The following CDYL variants were observed in gnomAD, a reference collection of about 807,000 sequenced individuals.
The protein encoded by CDYL is chromodomain Y like, also known as chromodomain Y-like protein.
A neutral mutation model predicts 47.3 loss-of-function variants in CDYL; 8 were observed. The observed-to-expected ratio is 0.17, with a 90% CI of 0.10 to 0.31. The LOEUF is 0.31. Among genes scored for constraint, CDYL ranks in the 10% least tolerant of loss-of-function variants. The pLI is 1.00. For synonymous variants in CDYL, 266 were observed against 265.0 expected (o/e 1.00, Z -0.04); for missense variants, 471 against 701.4 (o/e 0.67, Z 3.71).
chr6:4,782,746 A>G (rs1434929001), intron 1 of CDYL, among the ~76,000 whole-genome samples: 3 of 152,226 alleles, frequency 2.0e-5, no homozygotes. Context: ...ACCCAAAGCA[A>G]GTATTAAAAA....
intron 3 of CDYL, among the ~76,000 whole-genome samples, chr6:4,763,439 A>G (rs1758206078): frequency 1.3e-5 from 2 of 152,202 alleles, no homozygotes; most frequent in South Asian, 4.1e-4. Context: ...ATAAGGATGG[A>G]ATATAGAATT....
chr6:4,770,968 T>A (rs557632267), intron 3 of CDYL, among the ~76,000 whole-genome samples: 5 of 152,364 alleles, frequency 3.3e-5, no homozygotes, highest in Non-Finnish European at 7.3e-5. Context: ...CGTGCATATA[T>A]AAGCATATAT....
chr6:4,833,197 C>T (rs1398782600), intron 1 of CDYL, among the ~76,000 whole-genome samples: 11 of 145,532 alleles, frequency 7.6e-5, no homozygotes, highest in Admixed American at 6.7e-5. Flanking sequence ...CCTGCTTTCT[C>T]TTGTGGGCAT....
chr6:4,769,882 C>T (rs889397939), intron 3 of CDYL, among the ~76,000 whole-genome samples: 12 of 152,162 alleles, frequency 7.9e-5, no homozygotes, highest in East Asian at 3.9e-4. Flanking sequence ...CTGCAAGCTC[C>T]GCCTCCAGGG....
At chr6:4,929,493 T>TACACACAA (rs1757972042) in intron 2 of CDYL, among the ~76,000 whole-genome samples, 1 of 143,934 alleles carries the variant, frequency 6.9e-6, no homozygotes, top group Non-Finnish European at 1.5e-5. Context: ...ATGTTTTACT[T>TACACACAA]ACACACACAC....
At chr6:4,745,748 G>T (rs1183410585) in intron 3 of CDYL, among the ~76,000 whole-genome samples, 2 of 152,214 alleles carry the variant, frequency 1.3e-5, no homozygotes, top group Non-Finnish European at 2.9e-5. Flanking sequence ...GCAACGAGAG[G>T]CAGCTGGTCT....
chr6:4,727,873 T>C (rs1415700097), intron 2 of CDYL, among the ~76,000 whole-genome samples: 1 of 152,046 alleles, frequency 6.6e-6, no homozygotes, highest in African/African-American at 2.4e-5. Flanking sequence ...TTTCTTTCTG[T>C]GGTTTAGGAC....
intron 5 of CDYL, among the ~76,000 whole-genome samples, chr6:4,947,602 G>A (rs577093042): frequency 1.2e-4 from 19 of 152,302 alleles, no homozygotes; most frequent in African/African-American, 4.3e-4. Flanking sequence ...CTGTTGGGGG[G>A]TGGTCCCTCA....
At chr6:4,736,869 G>A (rs1757713078) in intron 3 of CDYL, among the ~76,000 whole-genome samples, 1 of 152,134 alleles carries the variant, frequency 6.6e-6, no homozygotes, top group South Asian at 2.1e-4. Context: ...CATCTATCAT[G>A]TTTCAAGTGC....
At chr6:4,937,537 T>C in intron 3 of CDYL, 28 bp from the exon 4 acceptor site, 2 of 1,501,140 alleles carry the variant, frequency 1.3e-6, no homozygotes, top group Non-Finnish European at 1.8e-6. Context: ...AAATATTCTT[T>C]GCCACTTTAA....
At chr6:4,823,162 C>T (rs1759887224) in intron 1 of CDYL, among the ~76,000 whole-genome samples, 1 of 152,134 alleles carries the variant, frequency 6.6e-6, no homozygotes, top group Admixed American at 6.5e-5. Context: ...AGCATTTTAG[C>T]AAAAACACTT....
intron 1 of CDYL, among the ~76,000 whole-genome samples, chr6:4,863,327 TTGTACA>T (rs1227517682): frequency 1.3e-5 from 2 of 152,200 alleles, no homozygotes; most frequent in Non-Finnish European, 2.9e-5. Context: ...TGTAACAAAC[TTGTACA>T]TGTAGTCCCC....
chr6:4,819,160 C>CTGTGTGTGTGTGTGTGTG (rs1242099604), intron 1 of CDYL, among the ~76,000 whole-genome samples: 89 of 124,092 alleles, frequency 7.2e-4, no homozygotes, highest in African/African-American at 3.8e-3. Context: ...CTCTCTCTCT[C>CTGTGTGTGTGTGTGTGTG]TCTGTGTGTG....
At chr6:4,828,817 A>G (rs530874458) in intron 1 of CDYL, among the ~76,000 whole-genome samples, 72 of 151,782 alleles carry the variant, frequency 4.7e-4, no homozygotes, top group Non-Finnish European at 9.3e-4. Context: ...TTTACTTTCT[A>G]CTTTTCAGAT....
At chr6:4,712,700 C>T (rs988838461) in intron 1 of CDYL, among the ~76,000 whole-genome samples, 5 of 152,142 alleles carry the variant, frequency 3.3e-5, no homozygotes, top group Admixed American at 1.3e-4. Context: ...ACTGTTAGAA[C>T]GAGATAATTT....
chr6:4,892,961 C>T (rs1037561070), intron 2 of CDYL, among the ~76,000 whole-genome samples: 1 of 152,228 alleles, frequency 6.6e-6, no homozygotes, highest in Non-Finnish European at 1.5e-5. Context: ...CTCTCATCCC[C>T]AGCCCCGCTC....
chr6:4,727,378 C>G (rs1056813479), intron 2 of CDYL, among the ~76,000 whole-genome samples: 1 of 152,086 alleles, frequency 6.6e-6, no homozygotes, highest in Non-Finnish European at 1.5e-5. Context: ...CACTGTAAAA[C>G]AGGTTTTCTG....
upstream of CDYL, among the ~76,000 whole-genome samples, chr6:4,775,977 G>T (rs557383578): frequency 5.3e-5 from 8 of 149,718 alleles, no homozygotes; most frequent in African/African-American, 1.7e-4. The surrounding 1 kb of genome is among the most constrained non-coding windows in gnomAD (Gnocchi z 7.0). Flanking sequence ...GCCCCATCTC[G>T]GGTCCGTCGC....
intron 2 of CDYL, among the ~76,000 whole-genome samples, chr6:4,895,738 G>T (rs918236665): frequency 3.9e-5 from 6 of 152,084 alleles, no homozygotes; most frequent in African/African-American, 1.2e-4. Flanking sequence ...GCCCTCGCCA[G>T]ATCCACATTG....
Sources: gnomAD v4.1 joint callset for allele counts (sites outside exome capture counted in the v4.1 genomes callset) on GRCh38, gnomAD v4.1.1 for gene constraint, Gnocchi (gnomAD v3.1) non-coding constraint, MANE v1.5 for transcripts, NCBI Gene and HGNC (gene_info 2026-07-23, HGNC 2026-07-21) for gene names.